AVEN: variants seen among roughly 807,000 people sequenced by gnomAD.
AVEN encodes the protein cell death regulator Aven.
A neutral mutation model predicts 38.1 loss-of-function variants in AVEN; 41 were observed. The observed-to-expected ratio is 1.08, with a 90% CI of 0.84 to 1.40. The LOEUF is 1.40. Among genes scored for constraint, AVEN ranks in the 40% most tolerant of loss-of-function variants. AVEN has a pLI of 0.00. For missense variants in AVEN, 605 were observed against 438.8 expected (o/e 1.38, Z -3.38); for synonymous variants, 206 against 171.8 (o/e 1.20, Z -1.56).
Position 34,007,423 on chromosome 15 carries a change from C to T in AVEN, c.268-4214G>A, listed in dbSNP as rs181589459. Among the ~76,000 whole-genome samples, 10 of 152,304 alleles carry T rather than the reference C, an allele frequency of 6.6e-5. No homozygotes were observed. The East Asian group carries it at 1.2e-3, about 18-fold the overall frequency. ...AGAACTGTACAGAACATAATTCAGC[C>T]AAATTCTCTGCCACTTTCAAACCAG... is the stretch of plus-strand genomic sequence containing the variant. On this transcript the variant is annotated intron_variant, in intron 1 of 5. Transcript: ENST00000306730.
At chr15:34,073,021 A>G (rs1900659892) in intron 1 of AVEN, among the ~76,000 whole-genome samples, 2 of 136,698 alleles carry the variant, frequency 1.5e-5, no homozygotes, top group African/African-American at 5.5e-5. Context: ...TCTTTTTTCT[A>G]TGTACAGACA....
intron 2 of AVEN, among the ~76,000 whole-genome samples, chr15:33,928,068 G>A (rs1893696680): frequency 6.6e-6 from 1 of 152,138 alleles, no homozygotes; most frequent in East Asian, 1.9e-4. Flanking sequence ...TAATCCATGC[G>A]AAACTTTTCC....
At chr15:33,927,698 T>C (rs1268970802) in intron 2 of AVEN, among the ~76,000 whole-genome samples, 2 of 152,178 alleles carry the variant, frequency 1.3e-5, no homozygotes, top group Non-Finnish European at 2.9e-5. Context: ...TATTACATGG[T>C]CATATATTTT....
chr15:34,048,035 GTT>G (rs1899779892), intron 5 of AVEN, among the ~76,000 whole-genome samples: 1 of 115,694 alleles, frequency 8.6e-6, no homozygotes, highest in Non-Finnish European at 1.6e-5. Context: ...GTGTGTGTGT[GTT>G]TGTGTGTGTG....
chr15:34,039,250 G>GAACCGGGACCGC, upstream of AVEN: 2 of 240,266 alleles, frequency 8.3e-6, no homozygotes, highest in Non-Finnish European at 1.4e-5. Flanking sequence ...GGTGGGGCCG[G>GAACCGGGACCGC]AACCGGGACC....
chr15:33,857,744 C>T (rs189562516), downstream of AVEN: 3 of 1,612,816 alleles, frequency 1.9e-6, no homozygotes, highest in East Asian at 2.2e-5. Context: ...AGAGAAGACC[C>T]CACTCCTTTT....
downstream of AVEN, chr15:33,854,405 A>G (rs747633069): frequency 2.2e-5 from 35 of 1,574,654 alleles, no homozygotes; most frequent in Admixed American, 3.7e-5. Flanking sequence ...TTCCATAGAC[A>G]TGAAGTACCA....
chr15:33,945,492 C>T (rs565063676), intron 2 of AVEN, among the ~76,000 whole-genome samples: 7 of 152,178 alleles, frequency 4.6e-5, no homozygotes, highest in Non-Finnish European at 7.3e-5. Context: ...CTGCTTAAAA[C>T]CTTTAATGGT....
chr15:33,857,384 T>C (rs914872683), downstream of AVEN, among the ~76,000 whole-genome samples: 1 of 151,164 alleles, frequency 6.6e-6, no homozygotes, highest in Non-Finnish European at 1.5e-5. Flanking sequence ...CCTTTTCTTC[T>C]AAGGATGCCG....
At chr15:33,879,295 C>T (rs1032288541) in intron 2 of AVEN, among the ~76,000 whole-genome samples, 21 of 150,536 alleles carry the variant, frequency 1.4e-4, no homozygotes, top group African/African-American at 5.1e-4. Flanking sequence ...AGTAAACTAT[C>T]GCAAGGACAA....
intron 2 of AVEN, among the ~76,000 whole-genome samples, chr15:34,068,122 G>GTA (rs552685945): frequency 2.8e-5 from 3 of 108,334 alleles, no homozygotes; most frequent in African/African-American, 1.2e-4. Flanking sequence ...CTCTCTGTAT[G>GTA]TGTGTGTGTG....
At chr15:33,951,637 C>T (rs1372458813) in intron 2 of AVEN, among the ~76,000 whole-genome samples, 2 of 150,308 alleles carry the variant, frequency 1.3e-5, no homozygotes, top group African/African-American at 2.5e-5. Context: ...CCTCCTCTAA[C>T]AAATCTCATT....
intron 4 of AVEN, chr15:34,064,416 C>T: frequency 1.4e-6 from 2 of 1,379,348 alleles, no homozygotes; most frequent in African/African-American, 1.5e-5. Context: ...AAGAAGACAT[C>T]TCATTTTGAG....
exon 5 of AVEN, chr15:34,062,958 A>G: frequency 6.2e-7 from 1 of 1,613,830 alleles, no homozygotes; most frequent in Non-Finnish European, 8.5e-7. Flanking sequence ...CATCATTGGA[A>G]TCTTCTCCAT....
At chr15:34,012,003 G>A (rs900536462) in intron 1 of AVEN, among the ~76,000 whole-genome samples, 3 of 152,130 alleles carry the variant, frequency 2.0e-5, no homozygotes, top group African/African-American at 7.2e-5. Context: ...GGGGGAAATG[G>A]CAATAGAATC....
At chr15:33,946,252 C>A (rs1012888796) in intron 2 of AVEN, among the ~76,000 whole-genome samples, 1 of 152,132 alleles carries the variant, frequency 6.6e-6, no homozygotes, top group Admixed American at 6.5e-5. Context: ...ACTGACTTGG[C>A]AGCCCTAGTA....
At chr15:33,853,439 TTC>T in the AVEN span, 1 of 1,300,782 alleles carries the variant, frequency 7.7e-7, no homozygotes, top group Non-Finnish European at 1.0e-6. Context: ...GAACTATGTC[TTC>T]ATCTACCCCT....
intron 4 of AVEN, among the ~76,000 whole-genome samples, chr15:33,868,544 CAAAAAAAAAAA>C (rs35851228): frequency 4.2e-4 from 28 of 66,254 alleles, no homozygotes; most frequent in East Asian, 2.2e-3. Context: ...GACTCCGTCT[CAAAAAAAAAAA>C]AAAAAAAAAA....
At chr15:33,932,423 T>C (rs1220672391) in intron 2 of AVEN, among the ~76,000 whole-genome samples, 1 of 152,190 alleles carries the variant, frequency 6.6e-6, no homozygotes, top group African/African-American at 2.4e-5. Context: ...CATTACTAGG[T>C]ACACGTTTTT....
Sources: allele counts gnomAD v4.1 joint callset (sites outside exome capture counted in the v4.1 genomes callset), GRCh38; gene constraint gnomAD v4.1.1; transcripts MANE v1.5; gene names NCBI Gene and HGNC (gene_info 2026-07-23, HGNC 2026-07-21).